ITGA9: variants seen among roughly 807,000 people sequenced by gnomAD.
The protein encoded by ITGA9 is integrin subunit alpha 9, also known as integrin alpha-9.
In ITGA9, 56 loss-of-function variants were observed where a neutral mutation model predicts 127.8. The ratio of observed to expected loss-of-function variants is 0.44; its 90% CI spans 0.35 to 0.55. The LOEUF (loss-of-function observed/expected upper bound fraction) is 0.55, where lower values mean the gene tolerates loss of function less well. Ranked by LOEUF, ITGA9 falls within the 20% of genes least tolerant of loss-of-function variation. The probability of loss-of-function intolerance (pLI) is 0.00; values close to 1 mark genes in which losing one functional copy is unlikely to be tolerated. For missense variants in ITGA9, 1,196 were observed against 1,347.1 expected (o/e 0.89, Z 1.76); for synonymous variants, 508 against 514.5 (o/e 0.99, Z 0.17).
At chr3:37,717,246 A>G (rs1949647) in intron 18 of ITGA9, among the ~76,000 whole-genome samples, 72,261 of 152,114 alleles carry the variant, frequency 0.48, 17,449 homozygotes, top group South Asian at 0.6. Flanking sequence ...TCGTGACAGA[A>G]CAGAAGTTCT....
In ITGA9 at chr3:37,777,393, T is replaced by A; in HGVS notation, c.2543T>A (p.Val848Glu). ...AEMFHVQEMV[V>E]GQEKGNCSFQ... The stretch of plus-strand genomic sequence containing the variant: ...TGACAGGCCTCTTTTCATTTGCAGG[T>A]GGGCCAAGAGAAGGGAAACTGCTCT... The change falls in exon 24 of 28, where the codon GTG becomes GAG. Residue 848 changes from valine to glutamate, a missense_variant and splice_region_variant. Val to Glu is a moderately radical substitution (Grantham distance 121, BLOSUM62 -2). Coordinates refer to ENST00000264741, the MANE Select transcript of ITGA9 (RefSeq NM_002207.3). 1 of 1,614,108 alleles carries A rather than the reference T, an allele frequency of 6.2e-7. No homozygotes were observed. Among genetic ancestry groups the A allele is most frequent in the Non-Finnish European group, 8.5e-7 (1 of 1,179,990 alleles).
Position 37,779,990 on chromosome 3 carries a change from A to G in ITGA9, c.2756A>G (p.Tyr919Cys), listed in dbSNP as rs780798529. ...AKEESRTIDIYMLLNTEILKK... is the reference protein window; with the variant it reads ...AKEESRTIDICMLLNTEILKK... Reference sequence around the variant, plus strand: ...GAAGAAAGTCGTACTATAGACATTTACATGCTGCTGAACACAGAAATACTG... The same window carrying G: ...GAAGAAAGTCGTACTATAGACATTTGCATGCTGCTGAACACAGAAATACTG... Residue 919 changes from tyrosine (Y) to cysteine (C), a missense_variant, in exon 25 of 28, where the codon TAC becomes TGC. By Grantham distance (194) the Tyr-to-Cys change is radical. Coordinates refer to ENST00000264741, the MANE Select transcript of ITGA9 (RefSeq NM_002207.3). 1.9e-5 allele frequency: 31 copies of G among 1,613,964 alleles called. No homozygotes were observed. The highest frequency in any genetic ancestry group is 2.4e-5 in the Non-Finnish European group (28 of 1,179,964).
At chr3:37,755,787 T>C (rs1449243792) in intron 23 of ITGA9, among the ~76,000 whole-genome samples, 1 of 151,976 alleles carries the variant, frequency 6.6e-6, no homozygotes, top group Non-Finnish European at 1.5e-5. Flanking sequence ...GAGATGGAAA[T>C]GAAAGCAAGT....
At chr3:37,584,573 G>A (rs954255460) in intron 15 of ITGA9, among the ~76,000 whole-genome samples, 2 of 151,974 alleles carry the variant, frequency 1.3e-5, no homozygotes, top group Admixed American at 6.6e-5. Context: ...TGGCCAACGC[G>A]ATGAAACCCC....
intron 15 of ITGA9, among the ~76,000 whole-genome samples, chr3:37,582,506 T>C (rs1176625684): frequency 6.6e-6 from 1 of 152,224 alleles, no homozygotes; most frequent in Non-Finnish European, 1.5e-5. Context: ...CCAAATTTCC[T>C]CTTAAGAAAA....
chr3:37,727,002 A>G lies in ITGA9; in HGVS notation c.2068-5710A>G, dbSNP rs572876024. ...ATTTAATACACTCAGCCTACGAAAC[A>G]TCATAGCTTAGCCTAGCCTACTTAA... On this transcript the variant is annotated intron_variant, in intron 18 of 27. Transcript: ENST00000264741. Among the ~76,000 whole-genome samples the G allele has an allele frequency of 3.9e-5, 6 of 152,332 alleles. No homozygotes were observed. In the South Asian group the frequency reaches 1.2e-3, roughly 32 times the overall value.
chr3:37,715,944 G>T (rs1396553925), intron 18 of ITGA9, among the ~76,000 whole-genome samples: 1 of 152,202 alleles, frequency 6.6e-6, no homozygotes, highest in Admixed American at 6.5e-5. Flanking sequence ...GTTAGGAAGT[G>T]TTCTCAGGGG....
chr3:37,630,413 G>A (rs895329258), intron 16 of ITGA9, among the ~76,000 whole-genome samples: 4 of 152,202 alleles, frequency 2.6e-5, no homozygotes, highest in African/African-American at 4.8e-5. Flanking sequence ...AAAGGCATGG[G>A]GGCTCAAAAT....
At chr3:37,818,744 A>G (rs1488929163) in intron 27 of ITGA9, 147 bp from the exon 28 acceptor site, 3 of 680,794 alleles carry the variant, frequency 4.4e-6, no homozygotes, top group Admixed American at 2.4e-5. Context: ...TTTTCTTGCC[A>G]GTGTTTTCTC....
rs531104149 is a variant in ITGA9, at chr3:37,792,479, C to A, written c.2889+7401C>A. On this transcript the variant is annotated intron_variant, in intron 26 of 27. Coordinates refer to ENST00000264741, the MANE Select transcript of ITGA9 (RefSeq NM_002207.3). Reference sequence around the variant, plus strand: ...GGCAGATGAGAAGGAATTCGCTTGCCAAGCATGAGGAAGAGTGTCTCAGTT... The same window carrying A: ...GGCAGATGAGAAGGAATTCGCTTGCAAAGCATGAGGAAGAGTGTCTCAGTT... Among the ~76,000 whole-genome samples the A allele has an allele frequency of 9.2e-5, 14 of 152,262 alleles. No individual in the cohort carries two copies. The South Asian group carries it at 2.9e-3, about 32-fold the overall frequency.
intron 9 of ITGA9, among the ~76,000 whole-genome samples, chr3:37,514,975 G>GT (rs1478337484): frequency 6.6e-5 from 10 of 151,358 alleles, no homozygotes; most frequent in Admixed American, 2.6e-4. Context: ...TGGGGGCTGG[G>GT]TTGGGGGACA....
At chr3:37,575,536 G>A (rs1016069806) in intron 15 of ITGA9, among the ~76,000 whole-genome samples, 49 of 152,172 alleles carry the variant, frequency 3.2e-4, no homozygotes, top group African/African-American at 9.9e-4. Flanking sequence ...GCCCTGGGAA[G>A]TGTGTGCTGT....
chr3:37,700,088 A>G (rs1002819645), intron 18 of ITGA9, among the ~76,000 whole-genome samples: 10 of 151,912 alleles, frequency 6.6e-5, no homozygotes, highest in African/African-American at 2.2e-4. Flanking sequence ...GGTTCAAGCA[A>G]TTCTCCTCCT....
At chr3:37,727,458 T>A (rs942621584) in intron 18 of ITGA9, among the ~76,000 whole-genome samples, 1 of 152,236 alleles carries the variant, frequency 6.6e-6, no homozygotes, top group African/African-American at 2.4e-5. Context: ...TGATTGAGAC[T>A]TTGCCTGAAA....
At chr3:37,778,010 G>A (rs748767294) in intron 24 of ITGA9, among the ~76,000 whole-genome samples, 2 of 152,200 alleles carry the variant, frequency 1.3e-5, no homozygotes, top group Non-Finnish European at 2.9e-5. Flanking sequence ...AGGAGAATAA[G>A]TAAGCAATTG....
intron 1 of ITGA9, among the ~76,000 whole-genome samples, chr3:37,457,580 C>T (rs570400430): frequency 5.3e-5 from 8 of 151,218 alleles, no homozygotes; most frequent in East Asian, 1.9e-4. Flanking sequence ...GGTGTAGGTC[C>T]GCTTCCTCAT....
chr3:37,453,046 C>T (rs1698214083), intron 1 of ITGA9, among the ~76,000 whole-genome samples: 1 of 147,864 alleles, frequency 6.8e-6, no homozygotes, highest in Middle Eastern at 3.5e-3. Flanking sequence ...CGCCGCTGCG[C>T]GGGGTGGGGC....
At chr3:37,726,392 G>A (rs556735538) in intron 18 of ITGA9, among the ~76,000 whole-genome samples, 13 of 152,300 alleles carry the variant, frequency 8.5e-5, no homozygotes, top group African/African-American at 3.1e-4. Flanking sequence ...CTAGCATTGA[G>A]CATAAGCAGG....
At chr3:37,775,306 A>G (rs1696892928) in intron 23 of ITGA9, among the ~76,000 whole-genome samples, 1 of 152,166 alleles carries the variant, frequency 6.6e-6, no homozygotes, top group Admixed American at 6.5e-5. Context: ...AATCAAAACC[A>G]CGGTGAGATA....
Sources: gnomAD v4.1 joint callset for allele counts (sites outside exome capture counted in the v4.1 genomes callset) on GRCh38, gnomAD v4.1.1 for gene constraint, MANE v1.5 for transcripts, NCBI Gene and HGNC (gene_info 2026-07-23, HGNC 2026-07-21) for gene names.